Variants in EPS15 observed in about 807,000 individuals in gnomAD.
EPS15 encodes the protein epidermal growth factor receptor pathway substrate 15.
A neutral mutation model predicts 113.8 loss-of-function variants in EPS15; 72 were observed. The ratio of observed to expected loss-of-function variants is 0.63; its 90% CI spans 0.52 to 0.77. The LOEUF (loss-of-function observed/expected upper bound fraction) is 0.77, where lower values mean the gene tolerates loss of function less well. Ranked by LOEUF, EPS15 falls within the 30% of genes least tolerant of loss-of-function variation. The probability of loss-of-function intolerance (pLI) is 0.00; values close to 1 mark genes in which losing one functional copy is unlikely to be tolerated. For missense variants in EPS15, 1,048 were observed against 1,045.8 expected, an observed-to-expected ratio of 1.00 and a Z score of -0.03; for synonymous variants, 344 against 363.4, an observed-to-expected ratio of 0.95 and a Z score of 0.61.
chr1:51,502,006 C>T (rs1644422772), intron 1 of EPS15, among the ~76,000 whole-genome samples: 1 of 152,146 alleles, frequency 6.6e-6, no homozygotes. Flanking sequence ...TGGCTCATGC[C>T]TATACTCCCA....
chr1:51,513,874 A>C (rs1003275135), intron 1 of EPS15, among the ~76,000 whole-genome samples: 1 of 152,202 alleles, frequency 6.6e-6, no homozygotes, highest in Admixed American at 6.5e-5. Flanking sequence ...AAGTGTAGAC[A>C]CAATCTTAGA....
intron 1 of EPS15, among the ~76,000 whole-genome samples, chr1:51,486,191 G>T (rs1644118155): frequency 6.6e-6 from 1 of 151,304 alleles, no homozygotes; most frequent in Non-Finnish European, 1.5e-5. Context: ...GCCAAGGCGG[G>T]TGGATCACCT....
chr1:51,386,668 G>T (rs1369247302), intron 21 of EPS15, among the ~76,000 whole-genome samples: 1 of 152,218 alleles, frequency 6.6e-6, no homozygotes, highest in Non-Finnish European at 1.5e-5. Flanking sequence ...ACTACGTGAA[G>T]AATGCAGAAG....
In EPS15 at chr1:51,356,477, T is replaced by A; in HGVS notation, c.*223A>T. 4.4e-6 allele frequency: 2 copies of A among 455,888 alleles called. No homozygotes were observed. The highest frequency in any genetic ancestry group is 7.7e-6 in the Non-Finnish European group (2 of 260,670). 28.2% of individuals were successfully genotyped at this position (455,888 alleles called of 1,614,324 possible). On this transcript the variant is annotated 3_prime_UTR_variant, in exon 25 of 25. Coordinates refer to ENST00000371733, the MANE Select transcript of EPS15 (RefSeq NM_001981.3). ...ATGTATACCAGAACAGGGGCCTAAG[T>A]GAAGGTGAATTTGTCTGACTGGGTT...
intron 12 of EPS15, among the ~76,000 whole-genome samples, chr1:51,429,963 C>G (rs1651571444): frequency 6.6e-6 from 1 of 151,952 alleles, no homozygotes; most frequent in Admixed American, 6.6e-5. Flanking sequence ...GACAGACTTT[C>G]AATACACAGG....
intron 1 of EPS15, among the ~76,000 whole-genome samples, chr1:51,488,589 G>C (rs1316663894): frequency 6.6e-6 from 1 of 151,270 alleles, no homozygotes; most frequent in East Asian, 1.9e-4. Context: ...TGAAAAGCCT[G>C]TTTCCTGATC....
At chr1:51,434,260 G>T (rs1403235551) in intron 12 of EPS15, among the ~76,000 whole-genome samples, 1 of 152,112 alleles carries the variant, frequency 6.6e-6, no homozygotes, top group Non-Finnish European at 1.5e-5. Flanking sequence ...TCATAGCAGC[G>T]TTATTCATAA....
intron 2 of EPS15, among the ~76,000 whole-genome samples, chr1:51,481,025 ATC>A (rs1280783161): frequency 2.6e-5 from 4 of 152,272 alleles, no homozygotes; most frequent in Non-Finnish European, 2.9e-5. Flanking sequence ...ATCTGGATAA[ATC>A]TATCAAATGT....
chr1:51,512,346 G>A (rs1644635776), intron 1 of EPS15, among the ~76,000 whole-genome samples: 1 of 152,196 alleles, frequency 6.6e-6, no homozygotes, highest in African/African-American at 2.4e-5. Flanking sequence ...CTCAGGGGCA[G>A]AACAGGTGTG....
Position 51,361,158 on chromosome 1 carries a change from TCA to T in EPS15, c.2544+11_2544+12del. 2 of 1,594,472 alleles carry T rather than the reference TCA, an allele frequency of 1.3e-6. No homozygotes were observed. The highest frequency in any genetic ancestry group is 1.7e-6 in the Non-Finnish European group (2 of 1,165,748). On this transcript the variant is annotated intron_variant, in intron 24 of 24. Coordinates refer to ENST00000371733, the MANE Select transcript of EPS15 (RefSeq NM_001981.3). ...AAGATTTCTCCCCCAAACAGCTCAT[TCA>T]CAGTACTTACAGCACTGAAGTTGGC... is the stretch of plus-strand genomic sequence containing the variant.
chr1:51,409,019 T>G (rs954047647), intron 14 of EPS15, among the ~76,000 whole-genome samples: 6 of 152,034 alleles, frequency 3.9e-5, no homozygotes, highest in African/African-American at 1.4e-4. Context: ...ATCTCCTGAC[T>G]TCGTGATCCG....
At chr1:51,440,281 G>A in intron 12 of EPS15, 66 bp downstream of exon 12, 1 of 286,460 alleles carries the variant, frequency 3.5e-6, no homozygotes. Flanking sequence ...CATGTACTGT[G>A]TGTGTGTGTG....
At chr1:51,382,023 GA>G (rs1646952705) in intron 21 of EPS15, among the ~76,000 whole-genome samples, 2 of 152,062 alleles carry the variant, frequency 1.3e-5, no homozygotes, top group African/African-American at 4.8e-5. Context: ...TTTGTTCTTT[GA>G]AAAGATCAAC....
intron 8 of EPS15, chr1:51,458,602 T>A: frequency 2.3e-6 from 1 of 435,530 alleles, no homozygotes; most frequent in South Asian, 1.6e-5. Flanking sequence ...CCGGGGGTGG[T>A]GGTGCATGCC....
chr1:51,515,044 C>T (rs1009535365), intron 1 of EPS15, among the ~76,000 whole-genome samples: 1 of 152,162 alleles, frequency 6.6e-6, no homozygotes, highest in Non-Finnish European at 1.5e-5. Context: ...TTTATTAGCA[C>T]TTGTACTGCG....
intron 13 of EPS15, among the ~76,000 whole-genome samples, chr1:51,410,816 G>A (rs965717959): frequency 1.3e-5 from 2 of 152,220 alleles, no homozygotes; most frequent in Non-Finnish European, 2.9e-5. Flanking sequence ...GGTTACACAA[G>A]ATAGCACCAT....
chr1:51,383,678 G>C (rs2148385583), intron 21 of EPS15, among the ~76,000 whole-genome samples: 1 of 152,314 alleles, frequency 6.6e-6, no homozygotes, highest in Non-Finnish European at 1.5e-5. Context: ...ACAGGCCACA[G>C]ACTGGTACTG....
intron 8 of EPS15, among the ~76,000 whole-genome samples, chr1:51,450,088 GCT>G (rs1653414391): frequency 6.6e-6 from 1 of 151,668 alleles, no homozygotes; most frequent in Non-Finnish European, 1.5e-5. Flanking sequence ...ATTCCTAATA[GCT>G]CAGAATTTGG....
At chr1:51,491,435 T>C (rs565000784) in intron 1 of EPS15, among the ~76,000 whole-genome samples, 1 of 152,172 alleles carries the variant, frequency 6.6e-6, no homozygotes, top group African/African-American at 2.4e-5. Context: ...TTTATACACA[T>C]AGGTTTATAG....
Sources: gnomAD v4.1 joint callset for allele counts (sites outside exome capture counted in the v4.1 genomes callset) on GRCh38, gnomAD v4.1.1 for gene constraint, MANE v1.5 for transcripts, NCBI Gene and HGNC (gene_info 2026-07-23, HGNC 2026-07-21) for gene names.